DOCK4: variants seen among roughly 807,000 people sequenced by gnomAD.
The protein encoded by DOCK4 is dedicator of cytokinesis protein 4.
Under a neutral mutation model 268.1 loss-of-function variants are expected in DOCK4, and 97 were observed. The ratio of observed to expected loss-of-function variants is 0.36; its 90% CI spans 0.31 to 0.43. DOCK4 has a LOEUF of 0.43. Among genes scored for constraint, DOCK4 ranks in the 20% least tolerant of loss-of-function variants. The probability of loss-of-function intolerance (pLI) is 1.00; values close to 1 mark genes in which losing one functional copy is unlikely to be tolerated. For synonymous variants in DOCK4, 954 were observed against 887.2 expected (o/e 1.08, Z -1.34); for missense variants, 2,145 against 2,455.7 (o/e 0.87, Z 2.67).
intron 1 of DOCK4, among the ~76,000 whole-genome samples, chr7:112,134,260 G>A (rs1230634870): frequency 3.9e-5 from 6 of 152,142 alleles, no homozygotes; most frequent in Non-Finnish European, 5.9e-5. Flanking sequence ...AGCCAGCAGT[G>A]ACACCAACAG....
intron 1 of DOCK4, among the ~76,000 whole-genome samples, chr7:112,196,311 A>C (rs867019020): frequency 1.3e-4 from 19 of 151,346 alleles, no homozygotes; most frequent in African/African-American, 3.2e-4. Context: ...AGATGAAATC[A>C]TCTCTTATCC....
chr7:111,920,305 C>G (rs1396884794), intron 12 of DOCK4, among the ~76,000 whole-genome samples: 2 of 152,098 alleles, frequency 1.3e-5, no homozygotes, highest in Non-Finnish European at 2.9e-5. Context: ...GTTCTCACTG[C>G]TATAAAATAT....
At chr7:111,941,575 T>C (rs763855709) in intron 10 of DOCK4, among the ~76,000 whole-genome samples, 12 of 151,978 alleles carry the variant, frequency 7.9e-5, no homozygotes, top group Non-Finnish European at 1.5e-4. Flanking sequence ...AAATACAAGA[T>C]GACAAAAGGA....
At chr7:111,906,902 G>A (rs1791625128) in intron 13 of DOCK4, among the ~76,000 whole-genome samples, 4 of 152,190 alleles carry the variant, frequency 2.6e-5, no homozygotes, top group Admixed American at 2.6e-4. Flanking sequence ...TTAGTTCAGT[G>A]AGACTAGCTC....
At chr7:111,980,269 T>A (rs1798510734) in intron 7 of DOCK4, among the ~76,000 whole-genome samples, 1 of 152,278 alleles carries the variant, frequency 6.6e-6, no homozygotes. Context: ...CCATTTGGAC[T>A]TAGTAGGTTA....
chr7:111,822,590 A>G (rs1238497885), intron 26 of DOCK4, 134 bp from the exon 27 acceptor site: 4 of 760,328 alleles, frequency 5.3e-6, no homozygotes, highest in Middle Eastern at 2.6e-4. Context: ...ATAGTTTAAC[A>G]GTTTGCCCAA....
At chr7:111,775,190 T>C (rs73434215) in intron 36 of DOCK4, among the ~76,000 whole-genome samples, 8,264 of 152,210 alleles carry the variant, frequency 0.054, 715 homozygotes, top group African/African-American at 0.19. Flanking sequence ...ACTGAGTAAA[T>C]AGTGATGCTA....
At chr7:112,068,849 C>G (rs146309931) in intron 1 of DOCK4, among the ~76,000 whole-genome samples, 213 of 152,258 alleles carry the variant, frequency 1.4e-3, no homozygotes, top group African/African-American at 4.5e-3. Context: ...GGATCTCTAT[C>G]TCTTCTGATT....
chr7:111,925,639 T>C (rs748230445), intron 12 of DOCK4, among the ~76,000 whole-genome samples: 2 of 152,202 alleles, frequency 1.3e-5, no homozygotes, highest in Non-Finnish European at 2.9e-5. Flanking sequence ...TCAAAGCCTC[T>C]ACCCAGTAGG....
intron 11 of DOCK4, among the ~76,000 whole-genome samples, chr7:111,939,059 G>A (rs1794987648): frequency 6.6e-6 from 1 of 151,762 alleles, no homozygotes; most frequent in East Asian, 1.9e-4. Flanking sequence ...GCAGAGATCA[G>A]AGTGACGCGT....
At chr7:111,930,357 G>A (rs1693280719) in intron 12 of DOCK4, among the ~76,000 whole-genome samples, 1 of 152,170 alleles carries the variant, frequency 6.6e-6, no homozygotes, top group South Asian at 2.1e-4. Context: ...GTTAATTGGT[G>A]AATCCCTTTA....
chr7:111,740,910 G>T (rs1710253571), intron 47 of DOCK4, among the ~76,000 whole-genome samples, 184 bp downstream of exon 47: 1 of 152,006 alleles, frequency 6.6e-6, no homozygotes, highest in African/African-American at 2.4e-5. Flanking sequence ...CGATGGGGCA[G>T]TTTTAAGAGA....
intron 1 of DOCK4, among the ~76,000 whole-genome samples, chr7:112,078,546 ATAT>A (rs756374234): frequency 3.9e-5 from 6 of 152,192 alleles, no homozygotes; most frequent in Non-Finnish European, 7.3e-5. Flanking sequence ...TCACTGTGGA[ATAT>A]CAAAGGAAGG....
intron 44 of DOCK4, among the ~76,000 whole-genome samples, chr7:111,743,441 C>A (rs1796065689): frequency 6.6e-6 from 1 of 152,120 alleles, no homozygotes; most frequent in Non-Finnish European, 1.5e-5. Context: ...ATTTGCATAA[C>A]AAATATCAAG....
chr7:112,150,367 A>C (rs551894741), intron 1 of DOCK4, among the ~76,000 whole-genome samples: 2 of 152,280 alleles, frequency 1.3e-5, no homozygotes, highest in South Asian at 4.1e-4. Flanking sequence ...AACATCCGTC[A>C]AGAATGAGCA....
Position 111,834,568 on chromosome 7 carries a change from C to T in DOCK4, c.2835+20G>A. 6.7e-7 allele frequency: 1 copy of T among 1,500,722 alleles called. No individual in the cohort carries two copies. The highest frequency in any genetic ancestry group is 9.0e-7 in the Non-Finnish European group (1 of 1,113,440). 93.0% of individuals were successfully genotyped at this position (1,500,722 alleles called of 1,614,324 possible). ...AACCCAAAAGATATGTTAAAGAAAACATTTTAAAATGTCACTTACCCTTAG... is the reference window on the plus strand; with the variant it reads ...AACCCAAAAGATATGTTAAAGAAAATATTTTAAAATGTCACTTACCCTTAG... On this transcript the variant is annotated intron_variant, in intron 26 of 52. Transcript: ENST00000428084.
chr7:112,009,230 G>A (rs372457949), intron 1 of DOCK4, among the ~76,000 whole-genome samples: 106 of 152,230 alleles, frequency 7.0e-4, no homozygotes, highest in Admixed American at 2.9e-3. Flanking sequence ...GTGATACAAA[G>A]GAAGGAAAAC....
At chr7:112,008,137 TA>T (rs899742186) in intron 1 of DOCK4, among the ~76,000 whole-genome samples, 2 of 152,148 alleles carry the variant, frequency 1.3e-5, no homozygotes, top group African/African-American at 4.8e-5. Context: ...GAACCTTTGG[TA>T]AAGCTGGGAA....
intron 46 of DOCK4, 66 bp from the exon 47 acceptor site, chr7:111,741,280 A>G: frequency 6.3e-7 from 1 of 1,588,358 alleles, no homozygotes; most frequent in Non-Finnish European, 8.6e-7. Context: ...ATGTGCTAGA[A>G]TGCTATGAAA....
Sources: gnomAD v4.1 joint callset for allele counts (sites outside exome capture counted in the v4.1 genomes callset) on GRCh38, gnomAD v4.1.1 for gene constraint, MANE v1.5 for transcripts, NCBI Gene and HGNC (gene_info 2026-07-23, HGNC 2026-07-21) for gene names.